The following RUFY2 variants were observed in gnomAD, a reference collection of about 807,000 sequenced individuals.
RUFY2 encodes the protein RUN and FYVE domain containing 2.
Under a neutral mutation model 94.4 loss-of-function variants are expected in RUFY2, and 49 were observed. The ratio of observed to expected loss-of-function variants is 0.52; its 90% confidence interval spans 0.41 to 0.66. The LOEUF (loss-of-function observed/expected upper bound fraction) is 0.66. Among genes scored for constraint, RUFY2 ranks in the 30% least tolerant of loss-of-function variants. RUFY2 has a pLI of 0.00. For synonymous variants in RUFY2, 255 were observed against 235.7 expected (o/e 1.08, Z -0.75); for missense variants, 541 against 692.8 (o/e 0.78, Z 2.46).
In RUFY2 at chr10:68,407,199, G is replaced by GGCT. The variant is rs1398935274; in HGVS notation, c.-13_-11dup. The stretch of plus-strand genomic sequence containing the variant: ...CGCTCGCCTTACCCATGGCGGCGGC[G>GGCT]GCTGCGCGGTCTCGGGCGGAGGCTC... On this transcript the variant is annotated 5_prime_UTR_variant, in exon 1 of 18. Coordinates refer to ENST00000602465, the MANE Select transcript of RUFY2 (RefSeq NM_001330103.2). 1 of 1,417,330 alleles carries GGCT rather than the reference G, an allele frequency of 7.1e-7. No individual in the cohort carries two copies. Among genetic ancestry groups the GGCT allele is most frequent in the Non-Finnish European group, 9.1e-7 (1 of 1,098,786 alleles). 87.8% of individuals were successfully genotyped at this position (1,417,330 alleles called of 1,614,324 possible).
intron 8 of RUFY2, among the ~76,000 whole-genome samples, chr10:68,384,713 T>A (rs971433815): frequency 9.2e-5 from 14 of 152,180 alleles, no homozygotes; most frequent in Non-Finnish European, 2.1e-4. Context: ...GTGGTTTGAC[T>A]CTGAGGCCCA....
At chr10:68,383,996 C>A in intron 9 of RUFY2, 55 bp downstream of exon 9, 1 of 1,584,942 alleles carries the variant, frequency 6.3e-7, no homozygotes, top group Non-Finnish European at 8.6e-7. Context: ...CAAAAATCCC[C>A]AAAAATGGTA....
intron 13 of RUFY2, among the ~76,000 whole-genome samples, chr10:68,366,761 A>ATATATATATATATATAT (rs1564801460): frequency 1.7e-5 from 2 of 120,738 alleles, no homozygotes; most frequent in African/African-American, 5.7e-5. Context: ...TATATATATA[A>ATATATATATATATATAT]TATTAAATAT....
intron 11 of RUFY2, 50 bp from the exon 12 acceptor site, chr10:68,379,571 T>TGTGTGTG: frequency 1.4e-5 from 17 of 1,208,344 alleles, no homozygotes; most frequent in Non-Finnish European, 2.0e-5. Flanking sequence ...GTGTGTGTGT[T>TGTGTGTG]TGTGTGTGTG....
chr10:68,341,550 T>C (rs2045943068), downstream of RUFY2: 5 of 1,396,098 alleles, frequency 3.6e-6, no homozygotes, highest in Non-Finnish European at 3.0e-6. Context: ...CCATCATTCC[T>C]TTCTCCCCTG....
rs749641152 is a variant in RUFY2, at chr10:68,394,455, T to C, written c.399-4A>G. The C allele has an allele frequency of 5.0e-6, 8 of 1,603,666 alleles. No individual in the cohort carries two copies. Among genetic ancestry groups the C allele is most frequent in the African/African-American group, 1.3e-5 (1 of 74,784 alleles). On this transcript the variant is annotated splice_polypyrimidine_tract_variant and splice_region_variant and intron_variant, in intron 4 of 17. Coordinates refer to ENST00000602465, the MANE Select transcript of RUFY2 (RefSeq NM_001330103.2). Reference sequence around the variant, plus strand: ...TGCGTGATACTCATAAAACTCACTGTGAAAATTTAAAAAATAAGGACTTTA... The same window carrying C: ...TGCGTGATACTCATAAAACTCACTGCGAAAATTTAAAAAATAAGGACTTTA...
At chr10:68,401,010 C>T (rs1187095690) in intron 3 of RUFY2, among the ~76,000 whole-genome samples, 14 of 119,504 alleles carry the variant, frequency 1.2e-4, no homozygotes, top group East Asian at 2.2e-4. Flanking sequence ...GAGACTCCGT[C>T]TCAAAGAAAA....
intron 13 of RUFY2, among the ~76,000 whole-genome samples, chr10:68,369,217 G>A (rs2048074302): frequency 6.6e-6 from 1 of 152,220 alleles, no homozygotes; most frequent in African/African-American, 2.4e-5. Flanking sequence ...CGGCACAGTG[G>A]CTCATGCCTG....
chr10:68,358,995 T>A (rs1399520163), intron 15 of RUFY2, among the ~76,000 whole-genome samples: 1 of 152,188 alleles, frequency 6.6e-6, no homozygotes, highest in African/African-American at 2.4e-5. Context: ...AAATAAGGAC[T>A]CAAAAAAGAC....
intron 10 of RUFY2, 57 bp from the exon 11 acceptor site, chr10:68,381,456 A>G (rs1033464894): frequency 1.3e-6 from 2 of 1,513,174 alleles, no homozygotes; most frequent in African/African-American, 1.4e-5. Context: ...AAAATTAGAT[A>G]TACTTTAAGA....
At chr10:68,377,813 A>G (rs2048772737) in intron 12 of RUFY2, 1 of 985,124 alleles carries the variant, frequency 1.0e-6, no homozygotes, top group Non-Finnish European at 1.2e-6. Flanking sequence ...GGAAATCACA[A>G]GAGAAATTTC....
rs995779168 is a variant in RUFY2, at chr10:68,379,434, G to C, written c.1195C>G (p.Leu399Val). 3 of 1,604,632 alleles carry C rather than the reference G, an allele frequency of 1.9e-6. No individual in the cohort carries two copies. Among genetic ancestry groups the C allele is most frequent in the Admixed American group, 1.7e-5 (1 of 57,564 alleles). Residue 399 changes from leucine (L) to valine (V), a missense_variant, in exon 12 of 18, where the codon CTG (leucine) becomes GTG (valine). Transcript: ENST00000602465. ...TNKITAAMRQ[L>V]EQRLQQAEKA... ...CTGGAAATGCTGTACCTTTGTTCCA[G>C]CTGCCTCATGGCTGCAGTAATTTTA...
rs1416575872 is a variant in RUFY2 at position 68,401,674 on chromosome 10, A to G, written c.242T>C (p.Leu81Pro). 6.2e-7 allele frequency: 1 copy of G among 1,614,130 alleles called. No individual in the cohort carries two copies. The highest frequency in any genetic ancestry group is 1.7e-5 in the Admixed American group (1 of 60,014). The change falls in exon 3 of 18, where the codon CTG becomes CCG. Residue 81 changes from leucine to proline, a missense_variant. By Grantham distance (98) the Leu-to-Pro change is moderately conservative. Transcript: ENST00000602465. ...TCCTATTTCCTCTGCTTCGGGGTACAGCTTCTCCACCAGTTCCAAAGGGCC... is the reference window on the plus strand; with the variant it reads ...TCCTATTTCCTCTGCTTCGGGGTACGGCTTCTCCACCAGTTCCAAAGGGCC... ...IWGPLELVEK[L>P]YPEAEEIGAS...
At chr10:68,367,997 G>A (rs1404915104) in intron 13 of RUFY2, among the ~76,000 whole-genome samples, 1 of 144,710 alleles carries the variant, frequency 6.9e-6, no homozygotes, top group African/African-American at 2.6e-5. Context: ...ACGGAGTCTC[G>A]CTCTGTCGCC....
downstream of RUFY2, chr10:68,341,816 G>A (rs2045972348): frequency 6.2e-7 from 1 of 1,611,312 alleles, no homozygotes; most frequent in Non-Finnish European, 8.5e-7. Flanking sequence ...AATTACAGTG[G>A]AGGATATGGT....
chr10:68,363,880 G>T, intron 14 of RUFY2, 104 bp downstream of exon 14: 1 of 933,246 alleles, frequency 1.1e-6, no homozygotes, highest in South Asian at 1.8e-5. Context: ...TTTTTAAGAT[G>T]ACTAGTATAT....
In RUFY2 at chr10:68,371,521, G is replaced by A. The variant is rs964045448; in HGVS notation, c.1325+5332C>T. On this transcript the variant is annotated intron_variant, in intron 13 of 17. Coordinates refer to ENST00000602465, the MANE Select transcript of RUFY2 (RefSeq NM_001330103.2). ...GCAGAAGAATCGCTTGAATCCAGGAGGCGGAGGTTGCAGAGAGCCGAGATC... is the reference window on the plus strand; with the variant it reads ...GCAGAAGAATCGCTTGAATCCAGGAAGCGGAGGTTGCAGAGAGCCGAGATC... Among the ~76,000 whole-genome samples the A allele has an allele frequency of 2.0e-5, 3 of 152,046 alleles. No homozygotes were observed. The South Asian group carries it at 6.2e-4, about 32-fold the overall frequency.
rs928550432 is a variant in RUFY2 at position 68,360,664 on chromosome 10, C to T, written c.1550+2926G>A. Among the ~76,000 whole-genome samples the T allele has an allele frequency of 1.1e-4, 16 of 152,028 alleles. No individual in the cohort carries two copies. In the South Asian group the frequency reaches 1.5e-3, roughly 14 times the overall value. Reference sequence around the variant, plus strand: ...TCAGGAGGCTGAGGCAGGAGAAGGACGTGAACCCGGCAGGCAGAGCTTGCA... The same window carrying T: ...TCAGGAGGCTGAGGCAGGAGAAGGATGTGAACCCGGCAGGCAGAGCTTGCA... On this transcript the variant is annotated intron_variant, in intron 15 of 17. Coordinates refer to ENST00000602465, the MANE Select transcript of RUFY2 (RefSeq NM_001330103.2).
chr10:68,388,916 C>T (rs2049759752), intron 7 of RUFY2, among the ~76,000 whole-genome samples: 1 of 151,758 alleles, frequency 6.6e-6, no homozygotes, highest in Admixed American at 6.6e-5. Context: ...TATTTAGAAG[C>T]AGGGTCTCAT....
Sources: allele counts gnomAD v4.1 joint callset (sites outside exome capture counted in the v4.1 genomes callset), GRCh38; gene constraint gnomAD v4.1.1; transcripts MANE v1.5; gene names NCBI Gene and HGNC (gene_info 2026-07-23, HGNC 2026-07-21).